The following FARSB variants were observed in gnomAD, a reference collection of about 807,000 sequenced individuals.
FARSB encodes the protein phenylalanyl-tRNA synthetase subunit beta.
A neutral mutation model predicts 69.6 loss-of-function variants in FARSB; 40 were observed. The observed-to-expected ratio is 0.57, with a 90% CI of 0.45 to 0.75. The LOEUF (loss-of-function observed/expected upper bound fraction) is 0.75. FARSB is among the 30% of genes least tolerant of loss of function. FARSB has a pLI of 0.00. For missense variants in FARSB, 632 were observed against 722.9 expected (o/e 0.87, Z 1.44); for synonymous variants, 235 against 247.2 (o/e 0.95, Z 0.46).
At chr2:222,643,870 T>G (rs562637991) in intron 2 of FARSB, among the ~76,000 whole-genome samples, 1 of 152,348 alleles carries the variant, frequency 6.6e-6, no homozygotes, top group African/African-American at 2.4e-5. Flanking sequence ...AGTAACAGAT[T>G]TTCTTAAACA....
chr2:222,646,566 C>T (rs1232457011), intron 2 of FARSB, among the ~76,000 whole-genome samples: 7 of 152,134 alleles, frequency 4.6e-5, no homozygotes, highest in Admixed American at 3.9e-4. Context: ...TGATAGATAT[C>T]CTTAACATCA....
At chr2:222,635,104 T>G (rs1691545954) in intron 5 of FARSB, among the ~76,000 whole-genome samples, 1 of 152,222 alleles carries the variant, frequency 6.6e-6, no homozygotes, top group African/African-American at 2.4e-5. Flanking sequence ...TCATTTCACT[T>G]GTTCTACAGT....
intron 13 of FARSB, among the ~76,000 whole-genome samples, chr2:222,622,135 A>G (rs1250926869): frequency 6.6e-6 from 1 of 152,216 alleles, no homozygotes; most frequent in Non-Finnish European, 1.5e-5. Flanking sequence ...TCACAGGAGT[A>G]TACTGAGAAG....
chr2:222,572,002 G>A lies in FARSB; in HGVS notation c.1639C>T (p.Arg547Ter). The change falls in exon 17 of 17, where the codon CGA becomes TGA. Residue 547 changes from arginine (R) to a stop codon, truncating the protein, a stop_gained. Coordinates refer to ENST00000281828, the MANE Select transcript of FARSB (RefSeq NM_005687.5). LOFTEE classifies it high-confidence loss of function. Reference sequence around the variant, plus strand: ...CCCCTGGCAAAGATCTCTGCACATCGCCCGGGGAAGAAAGCAGGCCCTGAA... The same window carrying A: ...CCCCTGGCAAAGATCTCTGCACATCACCCGGGGAAGAAAGCAGGCCCTGAA... ...ASEGPAFFPGRCAEIFARGQS... is the reference protein window; with the variant it reads ...ASEGPAFFPG 2.5e-6 allele frequency: 4 copies of A among 1,612,014 alleles called. No homozygotes were observed. The highest frequency in any genetic ancestry group is 1.7e-4 in the Middle Eastern group (1 of 6,024).
rs369593718 is a variant in FARSB at position 222,597,819 on chromosome 2, A to G, written c.1618+2109T>C. On this transcript the variant is annotated intron_variant, in intron 16 of 16. Transcript: ENST00000281828. ...TCACCTCTGCTCTCCATCCCACCCA[A>G]CCTACATATTGCTGCTAAATTAATC... Among the ~76,000 whole-genome samples, 98 of 152,118 alleles carry G rather than the reference A, an allele frequency of 6.4e-4. 1 individual carries two copies. Among genetic ancestry groups the G allele is most frequent in the African/African-American group, 1.5e-3 (63 of 41,504 alleles).
intron 15 of FARSB, among the ~76,000 whole-genome samples, chr2:222,608,532 T>C (rs1020675472): frequency 3.3e-5 from 5 of 152,194 alleles, no homozygotes; most frequent in African/African-American, 4.8e-5. Context: ...GAATTAGGTT[T>C]GTTCTGTGAT....
intron 16 of FARSB, among the ~76,000 whole-genome samples, chr2:222,582,792 G>T (rs945981949): frequency 6.6e-6 from 1 of 151,976 alleles, no homozygotes; most frequent in Non-Finnish European, 1.5e-5. Flanking sequence ...GGGTGTGGTG[G>T]CAGGCACCTG....
chr2:222,581,858 T>C lies in FARSB; in HGVS notation c.1619-9836A>G, dbSNP rs79534634. Among the ~76,000 whole-genome samples, 497 of 152,248 alleles carry C rather than the reference T, an allele frequency of 3.3e-3. 9 individuals are homozygous for C. The East Asian group carries it at 0.07, about 21-fold the overall frequency. On this transcript the variant is annotated intron_variant, in intron 16 of 16. Transcript: ENST00000281828. ...TTACATTTGCTCACGGCAAGGGAAA[T>C]TCAATTAAAACTACAGTGAGACACC...
chr2:222,618,998 C>T (rs1382704952), intron 14 of FARSB, among the ~76,000 whole-genome samples: 1 of 151,926 alleles, frequency 6.6e-6, no homozygotes, highest in Non-Finnish European at 1.5e-5. Flanking sequence ...AAAAATTAGC[C>T]GGGCGTAGTG....
At chr2:222,649,403 G>A (rs938149187) in intron 1 of FARSB, among the ~76,000 whole-genome samples, 1 of 152,208 alleles carries the variant, frequency 6.6e-6, no homozygotes, top group African/African-American at 2.4e-5. Context: ...CACCTGTTAA[G>A]TAGAGATCAG....
chr2:222,580,728 C>T (rs1323609980), intron 16 of FARSB, among the ~76,000 whole-genome samples: 1 of 151,892 alleles, frequency 6.6e-6, no homozygotes, highest in Non-Finnish European at 1.5e-5. Context: ...CCCAAATCAA[C>T]CTAGGAAAAT....
chr2:222,637,748 G>C (rs1401957693), intron 5 of FARSB, among the ~76,000 whole-genome samples: 1 of 152,168 alleles, frequency 6.6e-6, no homozygotes, highest in Non-Finnish European at 1.5e-5. Flanking sequence ...CACTTTAGGA[G>C]GCTGAAACAG....
chr2:222,622,346 G>C (rs1377927444), intron 13 of FARSB, among the ~76,000 whole-genome samples: 5 of 152,048 alleles, frequency 3.3e-5, no homozygotes, highest in Non-Finnish European at 5.9e-5. Flanking sequence ...TTTTCAAACT[G>C]GCACCACTAA....
At chr2:222,642,469 C>T (rs1209730319) in intron 3 of FARSB, among the ~76,000 whole-genome samples, 1 of 152,202 alleles carries the variant, frequency 6.6e-6, no homozygotes, top group Non-Finnish European at 1.5e-5. Flanking sequence ...TTCCTTAGAA[C>T]TCATAATGTA....
intron 1 of FARSB, among the ~76,000 whole-genome samples, chr2:222,654,386 A>C (rs1299573056): frequency 6.6e-6 from 1 of 152,264 alleles, no homozygotes; most frequent in Non-Finnish European, 1.5e-5. Context: ...TATAAGGTAT[A>C]TGTGAAATAT....
At chr2:222,585,200 A>G (rs1690079610) in intron 16 of FARSB, among the ~76,000 whole-genome samples, 1 of 152,258 alleles carries the variant, frequency 6.6e-6, no homozygotes, top group Admixed American at 6.5e-5. Flanking sequence ...GCTGTTCTGC[A>G]GCCTCCGCTG....
chr2:222,616,906 G>A (rs1550166), intron 14 of FARSB, among the ~76,000 whole-genome samples: 20,196 of 152,018 alleles, frequency 0.13, 1,523 homozygotes, highest in African/African-American at 0.2. Context: ...GGTAAAGCAA[G>A]GTAAAATATA....
chr2:222,573,789 C>T (rs190260104), intron 16 of FARSB, among the ~76,000 whole-genome samples: 5 of 152,234 alleles, frequency 3.3e-5, no homozygotes, highest in Admixed American at 3.3e-4. Flanking sequence ...AAAAAAGACA[C>T]CAGCTTGCTG....
chr2:222,595,544 A>T (rs1690388230), intron 16 of FARSB, among the ~76,000 whole-genome samples: 1 of 152,236 alleles, frequency 6.6e-6, no homozygotes. Context: ...TCTGAGCAGC[A>T]TGAAAACTAG....
Sources: allele counts gnomAD v4.1 joint callset (sites outside exome capture counted in the v4.1 genomes callset), GRCh38; gene constraint gnomAD v4.1.1; transcripts MANE v1.5; gene names NCBI Gene and HGNC (gene_info 2026-07-23, HGNC 2026-07-21).